The following C3 variants were observed in gnomAD, a reference collection of about 807,000 sequenced individuals.
C3 encodes C3 and PZP-like alpha-2-macroglobulin domain-containing protein 1.
In C3, 97 loss-of-function variants were observed where a neutral mutation model predicts 207.9. The observed-to-expected ratio is 0.47, with a 90% CI of 0.40 to 0.55. The LOEUF (loss-of-function observed/expected upper bound fraction) is 0.55, where lower values mean the gene tolerates loss of function less well. Ranked by LOEUF, C3 falls within the 20% of genes least tolerant of loss-of-function variation. The pLI, the probability that C3 is intolerant of heterozygous loss-of-function variation, is 0.00. For synonymous variants in C3, 848 were observed against 857.6 expected (o/e 0.99, Z 0.20); for missense variants, 1,684 against 2,171.7 (o/e 0.78, Z 4.46).
At chr19:6,682,496 A>C in intron 33 of C3, 1 of 441,846 alleles carries the variant, frequency 2.3e-6, no homozygotes, top group Non-Finnish European at 4.2e-6. Flanking sequence ...GCATTATTTG[A>C]CCCTCCATGC....
intron 17 of C3, among the ~76,000 whole-genome samples, chr19:6,705,735 C>G (rs1319270233): frequency 2.6e-5 from 4 of 150,980 alleles, no homozygotes; most frequent in African/African-American, 9.7e-5. Flanking sequence ...AGTGCAGTGG[C>G]ACAATCTCAG....
intron 2 of C3, 131 bp from the exon 3 acceptor site, chr19:6,718,543 G>A: frequency 9.7e-7 from 1 of 1,034,362 alleles, no homozygotes; most frequent in East Asian, 2.4e-5. Flanking sequence ...CCGTTTTGGG[G>A]AGGGAGGGGC....
Position 6,697,544 on chromosome 19 carries a change from G to C in C3, c.2596C>G (p.Leu866Val), listed in dbSNP as rs1003444388. 2.5e-6 allele frequency: 4 copies of C among 1,613,914 alleles called. No homozygotes were observed. The Admixed American group carries it at 6.7e-5, about 27-fold the overall frequency. The change falls in exon 21 of 41, where the codon CTA (leucine) becomes GTA (valine). Residue 866 changes from leucine to valine, a missense_variant. Leu to Val is a conservative substitution (Grantham distance 32). Coordinates refer to ENST00000245907, the MANE Select transcript of C3 (RefSeq NM_000064.4). The stretch of plus-strand genomic sequence containing the variant: ...CTGCAGAAGGCTGGATTGTGGAGTA[G>C]TTCCACCCTCACCTGCCAGGGAGAG... Reference protein sequence around the residue: ...QNQELKVRVELLHNPAFCSLA... With the variant: ...QNQELKVRVEVLHNPAFCSLA...
intron 4 of C3, 141 bp from the exon 5 acceptor site, chr19:6,714,587 C>T (rs944896627): frequency 1.4e-5 from 10 of 707,718 alleles, no homozygotes; most frequent in South Asian, 6.1e-5. Context: ...CCCAGGTGGG[C>T]GCAGCGGCTC....
At chr19:6,688,548 C>T (rs1189395853) in intron 27 of C3, among the ~76,000 whole-genome samples, 1 of 148,432 alleles carries the variant, frequency 6.7e-6, no homozygotes, top group Non-Finnish European at 1.5e-5. Flanking sequence ...GAAAAGGAGT[C>T]TTGCTGTGTT....
intron 17 of C3, 148 bp downstream of exon 17, chr19:6,706,928 G>T: frequency 1.9e-6 from 1 of 535,476 alleles, no homozygotes. Flanking sequence ...GGGACCTCCT[G>T]CCCCCTCAGA....
intron 15 of C3, 70 bp from the exon 16 acceptor site, chr19:6,707,607 G>A: frequency 6.4e-7 from 1 of 1,566,020 alleles, no homozygotes; most frequent in Non-Finnish European, 8.8e-7. Context: ...CACCCCTCAC[G>A]ATCGTGTGAG....
intron 27 of C3, among the ~76,000 whole-genome samples, chr19:6,689,327 A>ATCTCTCTCTCTCTCTCTCTC (rs1918097354): frequency 2.0e-5 from 1 of 49,690 alleles, no homozygotes; most frequent in African/African-American, 1.1e-4. Flanking sequence ...CTCTCTACCT[A>ATCTCTCTCTCTCTCTCTCTC]CCTCCCTCCC....
chr19:6,691,148 G>A (rs2145404823), intron 26 of C3, among the ~76,000 whole-genome samples: 1 of 151,318 alleles, frequency 6.6e-6, no homozygotes, highest in Admixed American at 6.6e-5. Flanking sequence ...CCGCCTCCTG[G>A]ATTCAAGCAA....
chr19:6,707,951 C>T (rs750741514), intron 14 of C3, 22 bp from the exon 15 acceptor site: 5 of 1,612,578 alleles, frequency 3.1e-6, no homozygotes, highest in African/African-American at 1.3e-5. Context: ...ATAGGGGTGG[C>T]GGGACGCAGG....
intron 18 of C3, 58 bp from the exon 19 acceptor site, chr19:6,702,270 GAAGAA>G: frequency 8.4e-7 from 1 of 1,189,012 alleles, no homozygotes; most frequent in Non-Finnish European, 1.3e-6. Flanking sequence ...TGGTAGAGGG[GAAGAA>G]CTGGTGCAGA....
rs11569574 is a variant in C3, at chr19:6,713,388, C to T, written c.876+19G>A. 1,474 of 1,613,612 alleles carry T rather than the reference C, an allele frequency of 9.1e-4. No individual in the cohort carries two copies. The highest frequency in any genetic ancestry group is 1.1e-3 in the Non-Finnish European group (1,316 of 1,179,622). ...GCGGGGACTGGGGCAGGGATCAAAG[C>T]GGCCTCCGTCTATGGTACCGGAATG... On this transcript the variant is annotated intron_variant, in intron 8 of 40. Coordinates refer to ENST00000245907, the MANE Select transcript of C3 (RefSeq NM_000064.4).
chr19:6,718,733 A>T (rs1163012308), intron 2 of C3, among the ~76,000 whole-genome samples: 4 of 148,668 alleles, frequency 2.7e-5, no homozygotes. Flanking sequence ...GAACTTAGAA[A>T]GTGATGGAGA....
At chr19:6,687,829 T>G (rs938354491) in intron 27 of C3, among the ~76,000 whole-genome samples, 30 of 151,144 alleles carry the variant, frequency 2.0e-4, no homozygotes, top group Admixed American at 4.6e-4. Flanking sequence ...ACTTTGTTTG[T>G]TTGGTTGGTT....
chr19:6,700,479 AATATATGTAATATGATATATT>A (rs1967633576), intron 19 of C3, among the ~76,000 whole-genome samples: 1 of 34,780 alleles, frequency 2.9e-5, no homozygotes, highest in African/African-American at 2.5e-4. Context: ...TGTAATATAT[AATATATGTAATATGATATATT>A]ATATATGTAA....
chr19:6,709,590 C>T, intron 14 of C3, 94 bp downstream of exon 14: 1 of 1,355,634 alleles, frequency 7.4e-7, no homozygotes, highest in South Asian at 1.2e-5. Context: ...CGCATGCCCC[C>T]CACTGCACTG....
intron 23 of C3, 26 bp downstream of exon 23, chr19:6,696,353 T>C: frequency 6.5e-7 from 1 of 1,531,464 alleles, no homozygotes; most frequent in Non-Finnish European, 9.0e-7. Flanking sequence ...CTGGGACCCA[T>C]GGGGTCGGGG....
chr19:6,696,673 G>C lies in C3; in HGVS notation c.2797-14C>G, dbSNP rs1343201130. ...GATTCCTTCCGGCTACGCAGTGTTA[G>C]AGGTGGGGGGAGTCGTTGGATGAAT... is the stretch of plus-strand genomic sequence containing the variant. On this transcript the variant is annotated splice_polypyrimidine_tract_variant and intron_variant, in intron 21 of 40. Transcript: ENST00000245907. 3 of 1,611,400 alleles carry C rather than the reference G, an allele frequency of 1.9e-6. No homozygotes were observed. Among genetic ancestry groups the C allele is most frequent in the Admixed American group, 1.7e-5 (1 of 59,954 alleles).
chr19:6,701,327 G>A (rs1266272206), intron 19 of C3, among the ~76,000 whole-genome samples: 3 of 152,080 alleles, frequency 2.0e-5, no homozygotes, highest in Non-Finnish European at 4.4e-5. Flanking sequence ...CATGCCACGT[G>A]CATGCTAGTA....
Sources: gnomAD v4.1 joint callset for allele counts (sites outside exome capture counted in the v4.1 genomes callset) on GRCh38, gnomAD v4.1.1 for gene constraint, MANE v1.5 for transcripts, NCBI Gene and HGNC (gene_info 2026-07-23, HGNC 2026-07-21) for gene names.